PDE3B: variants seen among roughly 807,000 people sequenced by gnomAD.
PDE3B encodes the protein phosphodiesterase 3B.
In PDE3B, 66 loss-of-function variants were observed where a neutral mutation model predicts 116.8. The observed-to-expected ratio is 0.56, with a 90% CI of 0.46 to 0.69. PDE3B has a LOEUF of 0.69. Among genes scored for constraint, PDE3B ranks in the 30% least tolerant of loss-of-function variants. The pLI, the probability that PDE3B is intolerant of heterozygous loss-of-function variation, is 0.00. For synonymous variants in PDE3B, 595 were observed against 533.6 expected, an observed-to-expected ratio of 1.12 and a Z score of -1.59; for missense variants, 1,384 against 1,368.1, an observed-to-expected ratio of 1.01 and a Z score of -0.18.
intron 1 of PDE3B, among the ~76,000 whole-genome samples, chr11:14,717,324 G>T (rs1253801634): frequency 8.1e-6 from 1 of 123,420 alleles, no homozygotes; most frequent in Non-Finnish European, 1.7e-5. Context: ...GGGGAGAATG[G>T]AACCAAGTTG....
At chr11:14,722,149 G>A (rs1381106375) in intron 1 of PDE3B, among the ~76,000 whole-genome samples, 1 of 150,650 alleles carries the variant, frequency 6.6e-6, no homozygotes, top group Non-Finnish European at 1.5e-5. Context: ...TCACACACCA[G>A]GGCCTGTTGT....
intron 4 of PDE3B, among the ~76,000 whole-genome samples, chr11:14,799,773 T>C (rs1858685596): frequency 6.6e-6 from 1 of 150,690 alleles, no homozygotes; most frequent in Non-Finnish European, 1.5e-5. Flanking sequence ...TTTTTTTTTT[T>C]TTGCTTTCCA....
chr11:14,844,511 C>A (rs191764480), intron 12 of PDE3B, among the ~76,000 whole-genome samples: 1 of 152,134 alleles, frequency 6.6e-6, no homozygotes, highest in Non-Finnish European at 1.5e-5. Context: ...GCGCACCGTG[C>A]GCGAGCCGAA....
At chr11:14,741,608 A>T (rs4367976) in intron 1 of PDE3B, among the ~76,000 whole-genome samples, 76,942 of 151,762 alleles carry the variant, frequency 0.51, 19,559 homozygotes, top group Admixed American at 0.55. Context: ...AATATTGTTA[A>T]GTGTGAATTT....
At chr11:14,890,963 G>A in the PDE3B span, 66 of 985,304 alleles carry the variant, frequency 6.7e-5, no homozygotes, top group Non-Finnish European at 7.6e-5. Flanking sequence ...CACAGCCTGT[G>A]GCCGATAATG....
chr11:14,867,841 C>A, intron 15 of PDE3B, 83 bp downstream of exon 15: 1 of 1,236,886 alleles, frequency 8.1e-7, no homozygotes, highest in Non-Finnish European at 1.1e-6. Flanking sequence ...TGAAATGCTC[C>A]AAAATCCAAA....
the PDE3B span, among the ~76,000 whole-genome samples, chr11:14,883,080 A>G: frequency 6.6e-6 from 1 of 152,200 alleles, no homozygotes; most frequent in Non-Finnish European, 1.5e-5. Context: ...GGTAGGAGGA[A>G]TCAATATCAT....
chr11:14,735,656 C>T (rs776050848), intron 1 of PDE3B, among the ~76,000 whole-genome samples: 9 of 152,170 alleles, frequency 5.9e-5, no homozygotes, highest in Non-Finnish European at 1.3e-4. Flanking sequence ...TCTAGTCCCT[C>T]AGTCACACTG....
At chr11:14,888,345 T>C in the PDE3B span, among the ~76,000 whole-genome samples, 1 of 152,246 alleles carries the variant, frequency 6.6e-6, no homozygotes, top group African/African-American at 2.4e-5. Context: ...ATATGTTGAA[T>C]TAATGAATAG....
At chr11:14,815,883 A>C (rs1052157097) in intron 5 of PDE3B, among the ~76,000 whole-genome samples, 1 of 152,098 alleles carries the variant, frequency 6.6e-6, no homozygotes, top group African/African-American at 2.4e-5. Flanking sequence ...AAGTAAAGGT[A>C]CGGTGCTCTT....
intron 1 of PDE3B, among the ~76,000 whole-genome samples, chr11:14,708,920 A>G (rs1467178062): frequency 6.6e-6 from 1 of 152,104 alleles, no homozygotes. Context: ...GTAAGTTTAA[A>G]ATTATGTCTA....
At chr11:14,766,746 G>T (rs151144159) in intron 1 of PDE3B, among the ~76,000 whole-genome samples, 3 of 151,048 alleles carry the variant, frequency 2.0e-5, no homozygotes, top group Non-Finnish European at 4.4e-5. Flanking sequence ...TTTTCTTGAT[G>T]TGCAGACAAC....
At chr11:14,815,406 C>T (rs766762971) in intron 5 of PDE3B, among the ~76,000 whole-genome samples, 114 of 152,198 alleles carry the variant, frequency 7.5e-4, no homozygotes, top group Non-Finnish European at 1.1e-3. Context: ...GAATCGGCTG[C>T]CAAGCTCATT....
chr11:14,855,629 T>C (rs1847834772), intron 12 of PDE3B, among the ~76,000 whole-genome samples: 1 of 151,656 alleles, frequency 6.6e-6, no homozygotes, highest in South Asian at 2.1e-4. Context: ...AATAAATACA[T>C]AAATAATGTG....
Position 14,688,142 on chromosome 11 carries a change from T to C in PDE3B, c.978+43089T>C, listed in dbSNP as rs544746494. On this transcript the variant is annotated intron_variant, in intron 1 of 15. Coordinates refer to ENST00000282096, the MANE Select transcript of PDE3B (RefSeq NM_000922.4). Reference sequence around the variant, plus strand: ...CTCTCTCTCTCTCTCTCTCTCTCTCTCCCTCCCTCCCTCCATCCCTCTCTC... The same window carrying C: ...CTCTCTCTCTCTCTCTCTCTCTCTCCCCCTCCCTCCCTCCATCCCTCTCTC... Among the ~76,000 whole-genome samples the C allele has an allele frequency of 2.1e-3, 215 of 101,378 alleles. 1 individual carries two copies. The highest frequency in any genetic ancestry group is 7.5e-3 in the African/African-American group (184 of 24,534). 66.5% of individuals were successfully genotyped at this position (101,378 alleles called of 152,430 possible).
intron 1 of PDE3B, among the ~76,000 whole-genome samples, chr11:14,688,402 A>G (rs1854950412): frequency 6.6e-6 from 1 of 152,162 alleles, no homozygotes; most frequent in African/African-American, 2.4e-5. Flanking sequence ...ATCTGTGTAT[A>G]GTGCTGACAC....
At chr11:14,800,255 A>T (rs1280400308) in intron 4 of PDE3B, among the ~76,000 whole-genome samples, 1 of 152,182 alleles carries the variant, frequency 6.6e-6, no homozygotes, top group Non-Finnish European at 1.5e-5. Flanking sequence ...TCACGAGGTC[A>T]GGAGTTCGAT....
chr11:14,709,689 G>A (rs550256927), intron 1 of PDE3B, among the ~76,000 whole-genome samples: 143 of 152,320 alleles, frequency 9.4e-4, no homozygotes, highest in South Asian at 4.8e-3. Context: ...CCAAGATTGA[G>A]AAGACAAATT....
chr11:14,697,168 G>A (rs1257259060), intron 1 of PDE3B, among the ~76,000 whole-genome samples: 4 of 151,972 alleles, frequency 2.6e-5, no homozygotes, highest in Non-Finnish European at 5.9e-5. Context: ...ACACTCCTGG[G>A]CTCAAAGGAT....
Sources: gnomAD v4.1 joint callset for allele counts (sites outside exome capture counted in the v4.1 genomes callset) on GRCh38, gnomAD v4.1.1 for gene constraint, MANE v1.5 for transcripts, NCBI Gene and HGNC (gene_info 2026-07-23, HGNC 2026-07-21) for gene names.